TMEM132D: variants seen among roughly 807,000 people sequenced by gnomAD.
TMEM132D encodes transmembrane protein 132D.
In TMEM132D, 21 loss-of-function variants were observed where a neutral mutation model predicts 62.3. That is an observed-to-expected ratio of 0.34 (90% CI 0.24 to 0.49). The LOEUF is 0.49. Among genes scored for constraint, TMEM132D ranks in the 20% least tolerant of loss-of-function variants. The probability of loss-of-function intolerance (pLI) is 0.99; values close to 1 mark genes in which losing one functional copy is unlikely to be tolerated. For missense variants in TMEM132D, 1,346 were observed against 1,402.8 expected, an observed-to-expected ratio of 0.96 and a Z score of 0.65; for synonymous variants, 621 against 575.6, an observed-to-expected ratio of 1.08 and a Z score of -1.13.
chr12:129,213,166 T>C (rs1879103035), intron 4 of TMEM132D, among the ~76,000 whole-genome samples: 1 of 152,180 alleles, frequency 6.6e-6, no homozygotes, highest in Non-Finnish European at 1.5e-5. Flanking sequence ...TTGTATATTC[T>C]GTGTGTGTGT....
At chr12:129,116,412 T>C (rs1320427200) in intron 5 of TMEM132D, among the ~76,000 whole-genome samples, 3 of 151,932 alleles carry the variant, frequency 2.0e-5, no homozygotes, top group Non-Finnish European at 2.9e-5. Flanking sequence ...ATGATAGTAA[T>C]AAAAGCAAAC....
intron 1 of TMEM132D, among the ~76,000 whole-genome samples, chr12:129,849,243 C>G (rs1873456736): frequency 6.6e-6 from 1 of 152,122 alleles, no homozygotes; most frequent in Admixed American, 6.6e-5. Flanking sequence ...CAAGTGTATC[C>G]CATTTTGACA....
At chr12:129,800,071 T>C (rs1318023551) in intron 1 of TMEM132D, among the ~76,000 whole-genome samples, 2 of 152,282 alleles carry the variant, frequency 1.3e-5, no homozygotes, top group African/African-American at 2.4e-5. Flanking sequence ...AAAAGTCTTC[T>C]AGATGACCTA....
chr12:129,074,537 T>A lies in TMEM132D; in HGVS notation c.2638A>T (p.Thr880Ser), dbSNP rs202155136. The A allele has an allele frequency of 3.7e-5, 60 of 1,613,966 alleles. No homozygotes were observed. The Middle Eastern group carries it at 1.2e-3, about 31-fold the overall frequency. Residue 880 changes from threonine to serine, a missense_variant, in exon 9 of 9, where the codon ACC becomes TCC. Coordinates refer to ENST00000422113, the MANE Select transcript of TMEM132D (RefSeq NM_133448.3). Reference protein sequence around the residue: ...SLLDDNSHLQTIPSDLTSFPA... With the variant: ...SLLDDNSHLQSIPSDLTSFPA... ...AAGCTGGTGAGGTCGCTGGGGATGG[T>A]CTGCAAGTGGCTGTTGTCATCTAAA...
intron 3 of TMEM132D, among the ~76,000 whole-genome samples, chr12:129,348,867 A>T (rs907587702): frequency 2.6e-5 from 4 of 152,196 alleles, no homozygotes; most frequent in Non-Finnish European, 5.9e-5. Flanking sequence ...CACAGCTCCC[A>T]TTGGACAACT....
At chr12:129,348,596 C>G (rs1339558361) in intron 3 of TMEM132D, among the ~76,000 whole-genome samples, 2 of 152,032 alleles carry the variant, frequency 1.3e-5, no homozygotes. Context: ...GGACAAATAC[C>G]TAATACATGC....
At chr12:129,575,430 C>T (rs1877634086) in intron 2 of TMEM132D, among the ~76,000 whole-genome samples, 1 of 151,746 alleles carries the variant, frequency 6.6e-6, no homozygotes, top group Non-Finnish European at 1.5e-5. Context: ...ACATCTCTCA[C>T]TAAATAATGT....
Position 129,631,785 on chromosome 12 carries a change from C to G in TMEM132D, c.968+68025G>C, listed in dbSNP as rs558224452. On this transcript the variant is annotated intron_variant, in intron 2 of 8. Coordinates refer to ENST00000422113, the MANE Select transcript of TMEM132D (RefSeq NM_133448.3). Reference sequence around the variant, plus strand: ...CTGCTAATACCTTTTTGATTGACAACCAGAGGGATACAGAATTGGTGAGCC... The same window carrying G: ...CTGCTAATACCTTTTTGATTGACAAGCAGAGGGATACAGAATTGGTGAGCC... 2.6e-5 allele frequency among the ~76,000 whole-genome samples: 4 copies of G among 152,232 alleles called. No homozygotes were observed. In the South Asian group the frequency reaches 8.3e-4, roughly 32 times the overall value.
intron 3 of TMEM132D, among the ~76,000 whole-genome samples, chr12:129,497,506 C>T (rs1294011268): frequency 2.0e-5 from 3 of 152,044 alleles, no homozygotes; most frequent in African/African-American, 7.3e-5. Flanking sequence ...CCTCCAGGCA[C>T]AGCCATATGG....
At chr12:129,279,403 G>A (rs1282436475) in intron 4 of TMEM132D, among the ~76,000 whole-genome samples, 1 of 151,980 alleles carries the variant, frequency 6.6e-6, no homozygotes, top group African/African-American at 2.4e-5. Context: ...ATTTTTTTTG[G>A]GAATGGGGAC....
At chr12:129,261,297 G>T (rs538310947) in intron 4 of TMEM132D, among the ~76,000 whole-genome samples, 2 of 152,282 alleles carry the variant, frequency 1.3e-5, no homozygotes, top group African/African-American at 4.8e-5. Context: ...GGAGGGACCT[G>T]GTGGGAAGTA....
chr12:129,195,778 T>C (rs1424046403), intron 5 of TMEM132D, among the ~76,000 whole-genome samples: 1 of 152,168 alleles, frequency 6.6e-6, no homozygotes, highest in African/African-American at 2.4e-5. Flanking sequence ...GAATCAAAAT[T>C]TGTCATGTTA....
At chr12:129,706,109 AAT>A (rs981088683) in intron 1 of TMEM132D, among the ~76,000 whole-genome samples, 1 of 152,104 alleles carries the variant, frequency 6.6e-6, no homozygotes, top group African/African-American at 2.4e-5. Flanking sequence ...TAGAAAACAA[AAT>A]ATGACAGAAG....
At chr12:129,248,525 ATTT>A (rs34055164) in intron 4 of TMEM132D, among the ~76,000 whole-genome samples, 3 of 149,682 alleles carry the variant, frequency 2.0e-5, no homozygotes, top group African/African-American at 7.4e-5. Context: ...ACAGGGGCTG[ATTT>A]TTTTTTTTTT....
chr12:129,324,305 G>C (rs994766086), intron 4 of TMEM132D, among the ~76,000 whole-genome samples: 1 of 152,132 alleles, frequency 6.6e-6, no homozygotes, highest in Non-Finnish European at 1.5e-5. Flanking sequence ...TTAAACAGTG[G>C]ACCAATACAT....
intron 3 of TMEM132D, among the ~76,000 whole-genome samples, chr12:129,440,245 C>T (rs781685248): frequency 2.6e-5 from 4 of 152,076 alleles, no homozygotes; most frequent in Non-Finnish European, 4.4e-5. Flanking sequence ...ACTTTCTGTT[C>T]TCAGGATGAA....
intron 2 of TMEM132D, among the ~76,000 whole-genome samples, chr12:129,606,607 C>G (rs562331820): frequency 1.3e-5 from 2 of 152,106 alleles, no homozygotes; most frequent in African/African-American, 4.8e-5. Context: ...TCACTCCAAC[C>G]CCAATACAGG....
At chr12:129,312,525 G>T (rs1015789887) in intron 4 of TMEM132D, among the ~76,000 whole-genome samples, 1 of 152,180 alleles carries the variant, frequency 6.6e-6, no homozygotes, top group Non-Finnish European at 1.5e-5. Flanking sequence ...TTGTACACCT[G>T]CTGTATATTA....
intron 5 of TMEM132D, among the ~76,000 whole-genome samples, chr12:129,175,960 C>T (rs1326898216): frequency 6.6e-6 from 1 of 152,206 alleles, no homozygotes; most frequent in East Asian, 1.9e-4. Context: ...CTTCTTACTC[C>T]TCACCCTTGC....
Sources: gnomAD v4.1 joint callset for allele counts (sites outside exome capture counted in the v4.1 genomes callset) on GRCh38, gnomAD v4.1.1 for gene constraint, MANE v1.5 for transcripts, NCBI Gene and HGNC (gene_info 2026-07-23, HGNC 2026-07-21) for gene names.